ABCC8: variants seen among roughly 807,000 people sequenced by gnomAD.
The protein encoded by ABCC8 is ATP-binding cassette sub-family C member 8.
ABCC8 carries 137 observed loss-of-function variants against 188.0 expected under a neutral mutation model. That is an observed-to-expected ratio of 0.73 (90% CI 0.63 to 0.84). ABCC8 has a LOEUF of 0.84. Ranked by LOEUF, ABCC8 falls within the 40% of genes least tolerant of loss-of-function variation. ABCC8 has a pLI of 0.00. For missense variants in ABCC8, 1,750 were observed against 2,072.7 expected (o/e 0.84, Z 3.02); for synonymous variants, 797 against 846.5 (o/e 0.94, Z 1.01).
intron 8 of ABCC8, among the ~76,000 whole-genome samples, chr11:17,443,953 C>T (rs1956424313): frequency 6.6e-6 from 1 of 152,176 alleles, no homozygotes; most frequent in East Asian, 1.9e-4. Flanking sequence ...AGGTTGCCTT[C>T]AAAGGCAGAC....
chr11:17,453,385 A>C (rs1956883774), intron 6 of ABCC8, 102 bp from the exon 7 acceptor site: 8 of 1,512,610 alleles, frequency 5.3e-6, no homozygotes, highest in Non-Finnish European at 7.2e-6. Flanking sequence ...CATTATTACA[A>C]GACCCTCTGG....
chr11:17,432,132 T>G (rs1011135657), intron 11 of ABCC8, 72 bp downstream of exon 11: 2 of 1,542,966 alleles, frequency 1.3e-6, no homozygotes, highest in South Asian at 2.4e-5. Context: ...AGGCCAAATC[T>G]GGGCAGCCTG....
At chr11:17,417,210 C>T (rs1049265889) in intron 16 of ABCC8, among the ~76,000 whole-genome samples, 1 of 152,130 alleles carries the variant, frequency 6.6e-6, no homozygotes, top group Non-Finnish European at 1.5e-5. Flanking sequence ...CTCGGAGCAG[C>T]GGTGAGGCTG....
In ABCC8 at chr11:17,395,226, C is replaced by CT; in HGVS notation, c.4356_4357insA (p.Ala1453SerfsTer60). Reference sequence around the variant, plus strand: ...AGCTTCAGCTGGGCGATTTCCAGGGCCTCCCACAGTGTGCTATCTGAGCAC... The same window carrying CT: ...AGCTTCAGCTGGGCGATTTCCAGGGCTCTCCCACAGTGTGCTATCTGAGCAC... On this transcript the variant is annotated frameshift_variant, in exon 36 of 39. Transcript: ENST00000389817. LOFTEE classifies it high-confidence loss of function. The CT allele has an allele frequency of 6.3e-7, 1 of 1,599,102 alleles. No homozygotes were observed. The highest frequency in any genetic ancestry group is 8.5e-7 in the Non-Finnish European group (1 of 1,171,752).
In ABCC8 at chr11:17,460,688, G is replaced by A; in HGVS notation, c.823-12C>T. On this transcript the variant is annotated splice_polypyrimidine_tract_variant and intron_variant, in intron 5 of 38. Transcript: ENST00000389817. ...TGAATGTCCTTCCGCTGCCCAGAGA[G>A]ACCATGGCCAGGTCAGAGTGCCTGA... 6.2e-7 allele frequency: 1 copy of A among 1,605,736 alleles called. No homozygotes were observed. The highest frequency in any genetic ancestry group is 1.1e-5 in the South Asian group (1 of 90,982).
At chr11:17,474,592 C>G (rs1025413975) in intron 2 of ABCC8, among the ~76,000 whole-genome samples, 2 of 151,392 alleles carry the variant, frequency 1.3e-5, no homozygotes, top group Admixed American at 6.6e-5. Context: ...GTAGAAGAGG[C>G]CAGACATTTT....
chr11:17,460,610 T>C lies in ABCC8; in HGVS notation c.889A>G (p.Arg297Gly). 1 of 1,613,076 alleles carries C rather than the reference T, an allele frequency of 6.2e-7. No homozygotes were observed. Among genetic ancestry groups the C allele is most frequent in the Non-Finnish European group, 8.5e-7 (1 of 1,180,028 alleles). The change falls in exon 6 of 39, where the codon AGG (arginine) becomes GGG (glycine). Residue 297 changes from arginine to glycine, a missense_variant. Arg to Gly is a moderately radical substitution (Grantham distance 125). Coordinates refer to ENST00000389817, the MANE Select transcript of ABCC8 (RefSeq NM_000352.6). Reference sequence around the variant, plus strand: ...AAAGTGCTGCTGAGGACCAGGCGCCTCCCGAAGGCATGGCTGAGTGCCTGC... The same window carrying C: ...AAAGTGCTGCTGAGGACCAGGCGCCCCCCGAAGGCATGGCTGAGTGCCTGC... ...IWQALSHAFGRRLVLSSTFRI... is the reference protein window; with the variant it reads ...IWQALSHAFGGRLVLSSTFRI...
chr11:17,423,446 G>T (rs188269659), intron 16 of ABCC8, among the ~76,000 whole-genome samples: 1 of 150,420 alleles, frequency 6.6e-6, no homozygotes, highest in African/African-American at 2.4e-5. Context: ...TACACTAGGC[G>T]CTCAACTGGG....
chr11:17,446,044 C>T (rs1237224810), intron 8 of ABCC8, among the ~76,000 whole-genome samples: 2 of 151,464 alleles, frequency 1.3e-5, no homozygotes, highest in Non-Finnish European at 2.9e-5. Flanking sequence ...CAGCTCACCA[C>T]AGTCTCCGCC....
At chr11:17,428,162 A>G (rs1955672187) in intron 14 of ABCC8, 127 bp downstream of exon 14, 3 of 1,560,306 alleles carry the variant, frequency 1.9e-6, no homozygotes, top group Non-Finnish European at 2.6e-6. Context: ...CTGGACTCCT[A>G]TGGACCGTAC....
chr11:17,422,091 C>T (rs111238566), intron 16 of ABCC8, among the ~76,000 whole-genome samples: 2 of 152,194 alleles, frequency 1.3e-5, no homozygotes, highest in Admixed American at 6.5e-5. Context: ...TCCCTGCAGA[C>T]CTGGGGCTCA....
chr11:17,460,752 C>G (rs1957160273), intron 5 of ABCC8, 76 bp from the exon 6 acceptor site: 3 of 1,588,228 alleles, frequency 1.9e-6, no homozygotes, highest in Non-Finnish European at 2.6e-6. Context: ...CCAGGATGCC[C>G]CTAGCTCCTG....
At chr11:17,464,342 A>T (rs1848015488) in intron 3 of ABCC8, among the ~76,000 whole-genome samples, 1 of 152,146 alleles carries the variant, frequency 6.6e-6, no homozygotes, top group Admixed American at 6.5e-5. Context: ...GGCATGGGGG[A>T]TACGGAAAGA....
chr11:17,428,136 T>G, intron 14 of ABCC8, 153 bp downstream of exon 14: 2 of 1,548,634 alleles, frequency 1.3e-6, no homozygotes, highest in Non-Finnish European at 1.8e-6. Context: ...TCCCCCCACT[T>G]GGTGGTCCCT....
Position 17,410,550 on chromosome 11 carries a change from G to A in ABCC8, c.2660C>T (p.Thr887Ile), listed in dbSNP as rs1278667394. The change falls in exon 22 of 39, where the codon ACC (threonine) becomes ATC (isoleucine). Residue 887 changes from threonine (T) to isoleucine (I), a missense_variant. By Grantham distance (89) the Thr-to-Ile change is moderately conservative. Transcript: ENST00000389817. Reference protein sequence around the residue: ...RDDKRTVVLVTHKLQYLPHAD... With the variant: ...RDDKRTVVLVIHKLQYLPHAD... ...ATGGGGCAGGTACTGTAGCTTGTGGGTCACTAAGACCACTGTCCTCTTGTC... is the reference window on the plus strand; with the variant it reads ...ATGGGGCAGGTACTGTAGCTTGTGGATCACTAAGACCACTGTCCTCTTGTC... 6.2e-7 allele frequency: 1 copy of A among 1,614,016 alleles called. No individual in the cohort carries two copies. Among genetic ancestry groups the A allele is most frequent in the Non-Finnish European group, 8.5e-7 (1 of 1,180,036 alleles).
intron 29 of ABCC8, among the ~76,000 whole-genome samples, chr11:17,399,452 C>T (rs914146340): frequency 5.3e-5 from 8 of 152,074 alleles, no homozygotes; most frequent in African/African-American, 1.9e-4. Context: ...AAAGTCTTCC[C>T]TACCCCAGGG....
intron 6 of ABCC8, among the ~76,000 whole-genome samples, chr11:17,460,255 T>C (rs1452164767): frequency 2.0e-5 from 3 of 152,222 alleles, no homozygotes; most frequent in African/African-American, 7.2e-5. Context: ...AGAGGTACTA[T>C]GGTAGTGACG....
chr11:17,457,676 G>A (rs1160827093), intron 6 of ABCC8, among the ~76,000 whole-genome samples: 2 of 152,188 alleles, frequency 1.3e-5, no homozygotes, highest in Non-Finnish European at 2.9e-5. Context: ...TCCCTGGGGA[G>A]TGGCAGCGGG....
At position 17,398,458 on chromosome 11, in the gene ABCC8, A is replaced by G. The variant is rs1954059048; in HGVS notation, c.3651-17T>C. On this transcript the variant is annotated splice_polypyrimidine_tract_variant and intron_variant, in intron 29 of 38. Coordinates refer to ENST00000389817, the MANE Select transcript of ABCC8 (RefSeq NM_000352.6). ...GCCTCATACCTGGAGGGAGGATGAG[A>G]AGCTCCTAAGGGAACAGTGTTGGTC... 1 of 1,613,654 alleles carries G rather than the reference A, an allele frequency of 6.2e-7. No homozygotes were observed. Among genetic ancestry groups the G allele is most frequent in the African/African-American group, 1.3e-5 (1 of 74,826 alleles).
Sources: gnomAD v4.1 joint callset for allele counts (sites outside exome capture counted in the v4.1 genomes callset) on GRCh38, gnomAD v4.1.1 for gene constraint, MANE v1.5 for transcripts, NCBI Gene and HGNC (gene_info 2026-07-23, HGNC 2026-07-21) for gene names.